Variants in SOX5 observed in about 807,000 individuals in gnomAD.
SOX5 encodes the protein transcription factor SOX-5.
In SOX5, 9 loss-of-function variants were observed where a neutral mutation model predicts 92.0. The ratio of observed to expected loss-of-function variants is 0.10; its 90% CI spans 0.06 to 0.17. SOX5 has a LOEUF of 0.17. Ranked by LOEUF, SOX5 falls within the 10% of genes least tolerant of loss-of-function variation. The pLI, the probability that SOX5 is intolerant of heterozygous loss-of-function variation, is 1.00. For missense variants in SOX5, 642 were observed against 944.5 expected (o/e 0.68, Z 4.20); for synonymous variants, 344 against 336.3 (o/e 1.02, Z -0.25).
intron 4 of SOX5, among the ~76,000 whole-genome samples, chr12:24,110,283 A>C (rs969034774): frequency 6.6e-6 from 1 of 152,224 alleles, no homozygotes; most frequent in Non-Finnish European, 1.5e-5. Flanking sequence ...ATGAGTTGCT[A>C]TCATGTAAGA....
At chr12:23,566,370 T>G (rs1947089797) in intron 10 of SOX5, among the ~76,000 whole-genome samples, 1 of 152,210 alleles carries the variant, frequency 6.6e-6, no homozygotes, top group Non-Finnish European at 1.5e-5. Context: ...TTGTTTCTGT[T>G]GCAATTGGTC....
intron 4 of SOX5, among the ~76,000 whole-genome samples, chr12:24,145,159 A>G (rs1229094824): frequency 6.6e-6 from 1 of 152,178 alleles, no homozygotes; most frequent in East Asian, 1.9e-4. Flanking sequence ...AGATGTATCG[A>G]CTATAAATCC....
chr12:23,844,904 T>C (rs1594981169), intron 3 of SOX5, among the ~76,000 whole-genome samples: 1 of 152,194 alleles, frequency 6.6e-6, no homozygotes, highest in Admixed American at 6.5e-5. Flanking sequence ...TAACAAAATA[T>C]CCAAAATCTT....
rs1403591198 is a variant in SOX5, at chr12:24,108,402, GCTTT to G, written c.-2+104937_-2+104940del. Among the ~76,000 whole-genome samples the G allele has an allele frequency of 5.3e-5, 8 of 151,918 alleles. No individual in the cohort carries two copies. In the East Asian group the frequency reaches 5.8e-4, roughly 11 times the overall value. The stretch of plus-strand genomic sequence containing the variant: ...GAAATGTTCATCACTGAAAAATGTA[GCTTT>G]ATTTTCAATAAATTAAGCAAGACTT... On this transcript the variant is annotated intron_variant, in intron 4 of 4. Coordinates refer to the SOX5 transcript ENST00000446891.
At chr12:24,148,085 G>A (rs1267848408) in intron 4 of SOX5, among the ~76,000 whole-genome samples, 1 of 152,052 alleles carries the variant, frequency 6.6e-6, no homozygotes, top group African/African-American at 2.4e-5. Flanking sequence ...AAATGCAAAA[G>A]CCCTGGAGTA....
At chr12:24,521,215 C>A (rs542998372) in intron 1 of SOX5, among the ~76,000 whole-genome samples, 76 of 151,986 alleles carry the variant, frequency 5.0e-4, no homozygotes, top group African/African-American at 1.7e-3. Context: ...CCACCACACC[C>A]GGATAATTTT....
chr12:23,931,523 C>T (rs893331816), intron 1 of SOX5, among the ~76,000 whole-genome samples: 1 of 151,638 alleles, frequency 6.6e-6, no homozygotes, highest in African/African-American at 2.4e-5. Context: ...GTAGTTAGAA[C>T]ACAGAAGTAG....
At chr12:23,621,860 A>G (rs1210273179) in intron 8 of SOX5, among the ~76,000 whole-genome samples, 6 of 152,112 alleles carry the variant, frequency 3.9e-5, no homozygotes, top group African/African-American at 1.4e-4. Context: ...CGTAAAAGGT[A>G]GTTCTCTCTT....
intron 2 of SOX5, among the ~76,000 whole-genome samples, chr12:23,848,512 T>G (rs929985987): frequency 9.9e-5 from 15 of 152,210 alleles, no homozygotes; most frequent in African/African-American, 3.4e-4. Context: ...GTTAATCTCC[T>G]TAACAGTTTT....
At chr12:24,168,430 T>C (rs1224690121) in intron 4 of SOX5, among the ~76,000 whole-genome samples, 1 of 152,214 alleles carries the variant, frequency 6.6e-6, no homozygotes, top group African/African-American at 2.4e-5. Context: ...CAGAAATAAT[T>C]GCAAGGAATT....
chr12:23,616,763 T>C (rs2076604208), intron 8 of SOX5, among the ~76,000 whole-genome samples: 1 of 151,880 alleles, frequency 6.6e-6, no homozygotes, highest in African/African-American at 2.4e-5. Flanking sequence ...AATTATCAGG[T>C]CAAGCAAGAA....
chr12:24,040,332 G>A (rs1279191750), intron 4 of SOX5, among the ~76,000 whole-genome samples: 1 of 152,150 alleles, frequency 6.6e-6, no homozygotes, highest in Non-Finnish European at 1.5e-5. Context: ...TAAATGGTTT[G>A]TGATGAAACT....
At chr12:23,945,515 T>C (rs550834411) in intron 1 of SOX5, among the ~76,000 whole-genome samples, 2 of 152,166 alleles carry the variant, frequency 1.3e-5, no homozygotes, top group African/African-American at 4.8e-5. Context: ...ATGAGAGTGA[T>C]AGAAATGTGG....
At chr12:23,979,696 A>ATTTTTTTTTTT (rs1248234590) in intron 4 of SOX5, among the ~76,000 whole-genome samples, 1 of 27,430 alleles carries the variant, frequency 3.6e-5, no homozygotes, top group Non-Finnish European at 7.5e-5. Context: ...ATATATATAT[A>ATTTTTTTTTTT]TGTTTTTTTT....
At chr12:23,845,847 C>A in intron 3 of SOX5, 136 bp downstream of exon 3, 1 of 679,614 alleles carries the variant, frequency 1.5e-6, no homozygotes, top group Non-Finnish European at 2.5e-6. Flanking sequence ...ATATACCAAC[C>A]GTCTTCATAG....
chr12:23,587,452 T>C (rs1325170067), intron 9 of SOX5, among the ~76,000 whole-genome samples: 2 of 152,048 alleles, frequency 1.3e-5, no homozygotes, highest in Non-Finnish European at 2.9e-5. Flanking sequence ...TAAATGCCAA[T>C]AGGAAAAATA....
At chr12:23,676,868 T>A (rs1593195149) in intron 6 of SOX5, among the ~76,000 whole-genome samples, 1 of 152,166 alleles carries the variant, frequency 6.6e-6, no homozygotes, top group Non-Finnish European at 1.5e-5. Flanking sequence ...TTGACATTAT[T>A]TGTGTCTGTC....
intron 3 of SOX5, among the ~76,000 whole-genome samples, chr12:23,768,339 C>T (rs753476020): frequency 3.9e-5 from 6 of 152,066 alleles, no homozygotes; most frequent in East Asian, 3.9e-4. Context: ...GTGTTTATAC[C>T]GCTGGGAATC....
chr12:24,491,661 A>C (rs1455481344), intron 1 of SOX5, among the ~76,000 whole-genome samples: 1 of 152,128 alleles, frequency 6.6e-6, no homozygotes, highest in Non-Finnish European at 1.5e-5. Context: ...TGAGGGGAAA[A>C]AGGAATGAAT....
Sources: gnomAD v4.1 joint callset for allele counts (sites outside exome capture counted in the v4.1 genomes callset) on GRCh38, gnomAD v4.1.1 for gene constraint, MANE v1.5 for transcripts, NCBI Gene and HGNC (gene_info 2026-07-23, HGNC 2026-07-21) for gene names.